The following RFX2 variants were observed in gnomAD, a reference collection of about 807,000 sequenced individuals.
RFX2 encodes the protein DNA-binding protein RFX2.
A neutral mutation model predicts 87.8 loss-of-function variants in RFX2; 20 were observed. The observed-to-expected ratio is 0.23, with a 90% CI of 0.16 to 0.33. The LOEUF is 0.33. RFX2 is among the 10% of genes least tolerant of loss of function. The pLI is 1.00. For missense variants in RFX2, 767 were observed against 1,012.3 expected (o/e 0.76, Z 3.29); for synonymous variants, 397 against 431.3 (o/e 0.92, Z 0.98).
At chr19:6,053,955 C>CAAAA (rs553721219) in intron 1 of RFX2, among the ~76,000 whole-genome samples, 10 of 47,832 alleles carry the variant, frequency 2.1e-4, no homozygotes, top group Non-Finnish European at 2.9e-4. Flanking sequence ...GACTCTATCT[C>CAAAA]AAAAAAAAAA....
In RFX2 at chr19:6,011,294, T is replaced by C. The variant is rs1428464681; in HGVS notation, c.900-1043A>G. ...GGCAGTGCTGAGAAACACTCAGCAC[T>C]TTCCAGGCGCTGGACTCCTCAGGGC... On this transcript the variant is annotated intron_variant, in intron 8 of 17. Coordinates refer to ENST00000303657, the MANE Select transcript of RFX2 (RefSeq NM_000635.4). The surrounding 1 kb of genome is among the most constrained non-coding windows in gnomAD (Gnocchi z 4.8). Among the ~76,000 whole-genome samples the C allele has an allele frequency of 1.3e-5, 2 of 152,174 alleles. No homozygotes were observed. The highest frequency in any genetic ancestry group is 4.8e-5 in the African/African-American group (2 of 41,446).
intron 1 of RFX2, among the ~76,000 whole-genome samples, chr19:6,053,154 AT>A: frequency 6.6e-6 from 1 of 152,306 alleles, no homozygotes; most frequent in East Asian, 1.9e-4. Context: ...CAAAACTGAA[AT>A]TTTTTCAGAA....
chr19:6,003,290 C>T lies in RFX2; in HGVS notation c.1501-420G>A, dbSNP rs569961549. The stretch of plus-strand genomic sequence containing the variant: ...TTGTTGCCCAGGCTGGTCTCAAACT[C>T]GTGGCATCAAATGATCCTCCAGTCT... On this transcript the variant is annotated intron_variant, in intron 13 of 17. Transcript: ENST00000303657. Among the ~76,000 whole-genome samples the T allele has an allele frequency of 2.5e-4, 38 of 152,190 alleles. 1 individual carries two copies. The highest frequency in any genetic ancestry group is 6.3e-4 in the African/African-American group (26 of 41,526).
chr19:6,086,728 G>A (rs576276471), intron 1 of RFX2, among the ~76,000 whole-genome samples: 2 of 152,268 alleles, frequency 1.3e-5, no homozygotes, highest in East Asian at 1.9e-4. Context: ...ATGCATCCAC[G>A]CACACGGCTC....
At chr19:6,072,286 T>C (rs560224326) in intron 1 of RFX2, 3 of 152,422 alleles carry the variant, frequency 2.0e-5, no homozygotes, top group Admixed American at 1.3e-4. Context: ...CATGTTCCAA[T>C]ATTCTTTCCA....
intron 1 of RFX2, among the ~76,000 whole-genome samples, chr19:6,070,973 C>T (rs1488761660): frequency 6.6e-6 from 1 of 152,262 alleles, no homozygotes; most frequent in Non-Finnish European, 1.5e-5. Context: ...CCACCTCAGC[C>T]TCCCAAAGTG....
At position 6,098,965 on chromosome 19, in the gene RFX2, CAAAAAAAAAAAAAAAAAA is replaced by C. The variant is rs34110529; in HGVS notation, c.-9+11410_-9+11427del. ...AATCTTTCACAAACTGCTTGAACCA[CAAAAAAAAAAAAAAAAAA>C]AAAAAAAAAAGCTAAGGGTTAAAAT... On this transcript the variant is annotated intron_variant, in intron 1 of 17. Coordinates refer to ENST00000303657, the MANE Select transcript of RFX2 (RefSeq NM_000635.4). Among the ~76,000 whole-genome samples the C allele has an allele frequency of 5.7e-5, 3 of 52,730 alleles. No individual in the cohort carries two copies. The East Asian group carries it at 1.8e-3, about 32-fold the overall frequency. 34.6% of individuals were successfully genotyped at this position (52,730 alleles called of 152,430 possible).
At chr19:6,073,409 C>A in intron 1 of RFX2, 1 of 1,057,544 alleles carries the variant, frequency 9.5e-7, no homozygotes. Context: ...CAACAAATCT[C>A]CCTGTGCTGA....
chr19:6,098,629 T>C (rs73549989), intron 1 of RFX2, among the ~76,000 whole-genome samples: 15,638 of 151,880 alleles, frequency 0.1, 2,497 homozygotes, highest in African/African-American at 0.34. Flanking sequence ...GGGTTAAAGA[T>C]ACCTTAACAC....
chr19:6,089,378 G>C (rs1471162088), intron 1 of RFX2, among the ~76,000 whole-genome samples: 1 of 152,134 alleles, frequency 6.6e-6, no homozygotes, highest in East Asian at 1.9e-4. Flanking sequence ...GCAGGAGCTG[G>C]AGCAATGTCA....
rs2087480129 is a variant in RFX2, at chr19:6,064,295, T to C, written c.-8-16791A>G. On this transcript the variant is annotated intron_variant, in intron 1 of 17. Transcript: ENST00000303657. The surrounding 1 kb of genome is among the most constrained non-coding windows in gnomAD (Gnocchi z 4.8). ...TTCTTGGAAGCGGCTTCCTAAGGCA[T>C]CATGCTTTTGTGTTCTCCTTCTCTT... 6.6e-6 allele frequency among the ~76,000 whole-genome samples: 1 copy of C among 152,230 alleles called. No individual in the cohort carries two copies. Among genetic ancestry groups the C allele is most frequent in the African/African-American group, 2.4e-5 (1 of 41,460 alleles).
At chr19:6,085,760 T>G (rs1236217374) in intron 1 of RFX2, among the ~76,000 whole-genome samples, 3 of 152,210 alleles carry the variant, frequency 2.0e-5, no homozygotes, top group Non-Finnish European at 4.4e-5. Context: ...TGTTTAGGTC[T>G]TTGATCCATT....
intron 13 of RFX2, among the ~76,000 whole-genome samples, chr19:6,003,671 C>CG (rs748817031): frequency 1.7e-4 from 25 of 146,948 alleles, no homozygotes; most frequent in Non-Finnish European, 3.4e-4. Context: ...CCCAGCTATT[C>CG]GGGAGGCTGA....
At position 6,012,239 on chromosome 19, in the gene RFX2, G is replaced by A. The variant is rs541453622; in HGVS notation, c.899+747C>T. On this transcript the variant is annotated intron_variant, in intron 8 of 17. Transcript: ENST00000303657. This position sits in a 1 kb window ranked among gnomAD's most constrained non-coding sequence, Gnocchi z 4.6. ...TGGATCCAAAGGTGAAGAAGAAGTC[G>A]TGACTTGAGCACATCTGCTTCTTTC... is the stretch of plus-strand genomic sequence containing the variant. 4 of 152,258 alleles carry A rather than the reference G, an allele frequency of 2.6e-5. No homozygotes were observed. The highest frequency in any genetic ancestry group is 2.1e-4 in the South Asian group (1 of 4,834). 9.4% of individuals were successfully genotyped at this position (152,258 alleles called of 1,614,324 possible).
intron 1 of RFX2, among the ~76,000 whole-genome samples, chr19:6,079,669 C>T (rs770076774): frequency 6.6e-6 from 1 of 151,912 alleles, no homozygotes; most frequent in Non-Finnish European, 1.5e-5. Context: ...GGGTGGATCA[C>T]GAGGTCAGGA....
At position 6,008,209 on chromosome 19, in the gene RFX2, A is replaced by G; in HGVS notation, c.1031T>C (p.Phe344Ser). 6.4e-7 allele frequency: 1 copy of G among 1,559,962 alleles called. No individual in the cohort carries two copies. The highest frequency in any genetic ancestry group is 8.7e-7 in the Non-Finnish European group (1 of 1,149,196). Residue 344 changes from phenylalanine (F) to serine (S), a missense_variant, in exon 10 of 18, where the codon TTC (phenylalanine) becomes TCC (serine). By Grantham distance (155) the Phe-to-Ser change is radical. Transcript: ENST00000303657. ...HQQYIDVSHV[F>S]PEFPAPDLGS... ...CAGGTCGGGCGCTGGGAACTCGGGG[A>G]AGACGTGGGAGACATCTGGGGGAGG...
Position 6,083,547 on chromosome 19 carries a change from C to T in RFX2, c.-9+26846G>A, listed in dbSNP as rs1004061670. On this transcript the variant is annotated intron_variant, in intron 1 of 17. Transcript: ENST00000303657. This position sits in a 1 kb window ranked among gnomAD's most constrained non-coding sequence, Gnocchi z 4.6. ...GTGTGCTAGATGTAGTCTGCTGACC[C>T]GTTTTTTTTTTTTTTAATTTTTATT... is the stretch of plus-strand genomic sequence containing the variant. Among the ~76,000 whole-genome samples the T allele has an allele frequency of 6.3e-5, 8 of 127,836 alleles. No homozygotes were observed. Among genetic ancestry groups the T allele is most frequent in the South Asian group, 4.8e-4 (2 of 4,156 alleles). 83.9% of individuals were successfully genotyped at this position (127,836 alleles called of 152,430 possible).
In RFX2 at chr19:6,005,116, A is replaced by C. The variant is rs962821443; in HGVS notation, c.1403-818T>G. On this transcript the variant is annotated intron_variant, in intron 12 of 17. Coordinates refer to ENST00000303657, the MANE Select transcript of RFX2 (RefSeq NM_000635.4). The stretch of plus-strand genomic sequence containing the variant: ...AAGAGCAAAACTCTGTCTTAAAAAA[A>C]ACCAGAAAAATATTTTAAAATGCAA... Among the ~76,000 whole-genome samples the C allele has an allele frequency of 3.9e-5, 6 of 152,336 alleles. 1 individual carries two copies. The South Asian group carries it at 1.2e-3, about 32-fold the overall frequency.
chr19:6,071,192 C>G (rs2087601570), intron 1 of RFX2, among the ~76,000 whole-genome samples: 1 of 152,184 alleles, frequency 6.6e-6, no homozygotes, highest in South Asian at 2.1e-4. Flanking sequence ...ATTAAAAATG[C>G]ATTTCTTGCT....
Sources: allele counts gnomAD v4.1 joint callset (sites outside exome capture counted in the v4.1 genomes callset), GRCh38; gene constraint gnomAD v4.1.1; non-coding constraint Gnocchi (gnomAD v3.1); transcripts MANE v1.5; gene names NCBI Gene and HGNC (gene_info 2026-07-23, HGNC 2026-07-21).